ZBTB16: variants seen among roughly 807,000 people sequenced by gnomAD.
ZBTB16 encodes the protein zinc finger and BTB domain containing 16.
Under a neutral mutation model 56.8 loss-of-function variants are expected in ZBTB16, and 8 were observed. That is an observed-to-expected ratio of 0.14 (90% CI 0.08 to 0.25). The LOEUF (loss-of-function observed/expected upper bound fraction) is 0.25, where lower values mean the gene tolerates loss of function less well. ZBTB16 is among the 10% of genes least tolerant of loss of function. The probability of loss-of-function intolerance (pLI) is 1.00; values close to 1 mark genes in which losing one functional copy is unlikely to be tolerated. For synonymous variants in ZBTB16, 363 were observed against 368.5 expected (o/e 0.98, Z 0.17); for missense variants, 625 against 903.0 (o/e 0.69, Z 3.95).
chr11:114,126,224 C>A (rs1002767541), intron 2 of ZBTB16, among the ~76,000 whole-genome samples: 7 of 152,202 alleles, frequency 4.6e-5, no homozygotes. Context: ...TTGTCTAATG[C>A]CAGCTCTGCC....
At chr11:114,229,175 A>G (rs1028479794) in intron 4 of ZBTB16, among the ~76,000 whole-genome samples, 2 of 152,200 alleles carry the variant, frequency 1.3e-5, no homozygotes, top group Admixed American at 1.3e-4. Context: ...AAGCCTCTTC[A>G]ATAGGAGTAA....
intron 2 of ZBTB16, among the ~76,000 whole-genome samples, chr11:114,102,549 A>AC: frequency 1.7e-5 from 1 of 60,422 alleles, no homozygotes; most frequent in Middle Eastern, 9.8e-3. Context: ...AGTCCCCCCC[A>AC]CCCCCCGGCT....
chr11:114,228,905 G>A (rs1249857001), intron 4 of ZBTB16, among the ~76,000 whole-genome samples: 4 of 152,170 alleles, frequency 2.6e-5, no homozygotes, highest in African/African-American at 7.2e-5. Context: ...CAGGCCTGGC[G>A]GGCGCCCTGG....
Position 114,250,207 on chromosome 11 carries a change from C to T in ZBTB16, c.1793-119C>T. On this transcript the variant is annotated intron_variant, in intron 6 of 6. Coordinates refer to ENST00000335953, the MANE Select transcript of ZBTB16 (RefSeq NM_006006.6). This position sits in a 1 kb window ranked among gnomAD's most constrained non-coding sequence, Gnocchi z 6.0. ...GGTGCCTTCATTGTCCCAGAAAGTT[C>T]TGTTGGAGCAAGCCCAGCTGGAGGA... The T allele has an allele frequency of 1.8e-6, 2 of 1,112,784 alleles. No individual in the cohort carries two copies. Among genetic ancestry groups the T allele is most frequent in the Admixed American group, 3.6e-5 (2 of 56,168 alleles). 68.9% of individuals were successfully genotyped at this position (1,112,784 alleles called of 1,614,324 possible).
intron 4 of ZBTB16, among the ~76,000 whole-genome samples, chr11:114,191,773 T>G (rs1307128721): frequency 6.6e-6 from 1 of 152,186 alleles, no homozygotes; most frequent in Non-Finnish European, 1.5e-5. Context: ...CACACATGCA[T>G]GCACGCACAT....
At chr11:114,142,466 T>C (rs1031348604) in intron 2 of ZBTB16, among the ~76,000 whole-genome samples, 1 of 152,154 alleles carries the variant, frequency 6.6e-6, no homozygotes, top group Non-Finnish European at 1.5e-5. Flanking sequence ...AACAGAACGG[T>C]GATTTATAGG....
At chr11:114,081,891 A>G (rs925068113) in intron 2 of ZBTB16, among the ~76,000 whole-genome samples, 1 of 152,142 alleles carries the variant, frequency 6.6e-6, no homozygotes, top group Non-Finnish European at 1.5e-5. Flanking sequence ...TAGAGAAGGC[A>G]GCATGAAGAA....
intron 3 of ZBTB16, among the ~76,000 whole-genome samples, chr11:114,160,256 A>AT (rs919197390): frequency 2.3e-4 from 34 of 150,600 alleles, no homozygotes; most frequent in South Asian, 4.2e-4. Context: ...TACACCATTA[A>AT]TTTTTTTTTT....
chr11:114,082,868 T>C (rs2137701725), intron 2 of ZBTB16, among the ~76,000 whole-genome samples: 1 of 152,074 alleles, frequency 6.6e-6, no homozygotes. Flanking sequence ...AGAAACCCAG[T>C]CTCCCCTCTT....
At chr11:114,167,231 GGT>G (rs1403460884) in intron 3 of ZBTB16, among the ~76,000 whole-genome samples, 5,021 of 42,824 alleles carry the variant, frequency 0.12, 642 homozygotes, top group African/African-American at 0.22. Context: ...TTTTTTTTTT[GGT>G]TTTTTTTTTT....
At chr11:114,155,864 T>C (rs1441181247) in intron 2 of ZBTB16, among the ~76,000 whole-genome samples, 2 of 152,068 alleles carry the variant, frequency 1.3e-5, no homozygotes, top group Admixed American at 6.6e-5. Context: ...GTCACTGTAG[T>C]GGAAGTTGGA....
chr11:114,232,337 AC>A (rs1436955067), intron 4 of ZBTB16, among the ~76,000 whole-genome samples: 1 of 152,090 alleles, frequency 6.6e-6, no homozygotes, highest in East Asian at 1.9e-4. Context: ...GGCTTTAGGA[AC>A]CCTGAGAGTA....
At chr11:114,247,108 C>T in intron 5 of ZBTB16, 90 bp from the exon 6 acceptor site, 3 of 1,583,194 alleles carry the variant, frequency 1.9e-6, no homozygotes, top group Non-Finnish European at 2.6e-6. Flanking sequence ...CAGGCCGTCG[C>T]ATCCTTCTCA....
At chr11:114,178,271 G>A (rs533256035) in intron 3 of ZBTB16, among the ~76,000 whole-genome samples, 111 of 152,262 alleles carry the variant, frequency 7.3e-4, no homozygotes, top group African/African-American at 2.4e-3. Flanking sequence ...ATGACAACTA[G>A]CATTTATTGG....
At chr11:114,113,659 G>A (rs1405554327) in intron 2 of ZBTB16, among the ~76,000 whole-genome samples, 1 of 152,178 alleles carries the variant, frequency 6.6e-6, no homozygotes, top group African/African-American at 2.4e-5. Flanking sequence ...TAGAAAATTT[G>A]TTCAGGAAGA....
In ZBTB16 at chr11:114,120,723, C is replaced by A. The variant is rs541420776; in HGVS notation, c.1269-35614C>A. ...GCTGAATACAGGGTCTAAAGGGTGG[C>A]AGTGTCACATTAGGGCCCATCGAGG... is the stretch of plus-strand genomic sequence containing the variant. On this transcript the variant is annotated intron_variant, in intron 2 of 6. Coordinates refer to ENST00000335953, the MANE Select transcript of ZBTB16 (RefSeq NM_006006.6). Among the ~76,000 whole-genome samples, 6 of 152,296 alleles carry A rather than the reference C, an allele frequency of 3.9e-5. No individual in the cohort carries two copies. In the South Asian group the frequency reaches 1.2e-3, roughly 32 times the overall value.
At chr11:114,200,454 A>G (rs905868155) in intron 4 of ZBTB16, among the ~76,000 whole-genome samples, 6 of 152,224 alleles carry the variant, frequency 3.9e-5, no homozygotes, top group Non-Finnish European at 8.8e-5. Flanking sequence ...TGTGCCCAGC[A>G]CTGTGGCTTT....
intron 3 of ZBTB16, among the ~76,000 whole-genome samples, chr11:114,157,833 G>A (rs117018280): frequency 3.9e-4 from 59 of 152,166 alleles, no homozygotes; most frequent in Non-Finnish European, 6.8e-4. Context: ...CTCTCAGCGC[G>A]TCTACTGTCC....
At chr11:114,243,298 G>A (rs1337555822) in intron 5 of ZBTB16, among the ~76,000 whole-genome samples, 2 of 152,198 alleles carry the variant, frequency 1.3e-5, no homozygotes, top group African/African-American at 4.8e-5. Flanking sequence ...TGCATGCCAC[G>A]TAAAGGAACA....
Sources: gnomAD v4.1 joint callset for allele counts (sites outside exome capture counted in the v4.1 genomes callset) on GRCh38, gnomAD v4.1.1 for gene constraint, Gnocchi (gnomAD v3.1) non-coding constraint, MANE v1.5 for transcripts, NCBI Gene and HGNC (gene_info 2026-07-23, HGNC 2026-07-21) for gene names.